Variants in CEP164 observed in about 807,000 individuals in gnomAD.
The protein encoded by CEP164 is centrosomal protein of 164 kDa.
CEP164 carries 162 observed loss-of-function variants against 182.7 expected under a neutral mutation model. The ratio of observed to expected loss-of-function variants is 0.89; its 90% CI spans 0.78 to 1.01. The LOEUF (loss-of-function observed/expected upper bound fraction) is 1.01, where lower values mean the gene tolerates loss of function less well. Ranked by LOEUF, CEP164 falls within the 50% of genes least tolerant of loss-of-function variation. CEP164 has a pLI of 0.00. For missense variants in CEP164, 1,735 were observed against 1,790.4 expected (o/e 0.97, Z 0.56); for synonymous variants, 661 against 690.0 (o/e 0.96, Z 0.66).
chr11:117,348,409 A>T (rs892941516), intron 4 of CEP164, among the ~76,000 whole-genome samples: 5 of 151,958 alleles, frequency 3.3e-5, no homozygotes, highest in Non-Finnish European at 5.9e-5. Context: ...ATCTTTTGTG[A>T]TTTACCTGTT....
At chr11:117,348,328 A>G (rs551143405) in intron 4 of CEP164, among the ~76,000 whole-genome samples, 2 of 152,334 alleles carry the variant, frequency 1.3e-5, no homozygotes, top group Admixed American at 6.5e-5. Context: ...ATCCAAGGGC[A>G]AAAAATAACA....
At chr11:117,403,796 A>G (rs939167128) in intron 27 of CEP164, among the ~76,000 whole-genome samples, 4 of 152,130 alleles carry the variant, frequency 2.6e-5, no homozygotes, top group African/African-American at 9.7e-5. Context: ...TACACCAATC[A>G]AACGTAGATT....
chr11:117,371,428 G>A lies in CEP164; in HGVS notation c.1114G>A (p.Ala372Thr), dbSNP rs2042180668. 2.5e-6 allele frequency: 4 copies of A among 1,613,686 alleles called. No individual in the cohort carries two copies. The highest frequency in any genetic ancestry group is 3.4e-6 in the Non-Finnish European group (4 of 1,179,864). The change falls in exon 9 of 33, where the codon GCT becomes ACT. Residue 372 changes from alanine to threonine, a missense_variant. Ala to Thr is a moderately conservative substitution (Grantham distance 58). Transcript: ENST00000278935. ...EEAAKEPKKK[A>T]SALEEGSSDA... Reference sequence around the variant, plus strand: ...GGCAGCCAAGGAGCCAAAGAAGAAGGCTTCTGCTCTGGAAGAGGGCAGTTC... The same window carrying A: ...GGCAGCCAAGGAGCCAAAGAAGAAGACTTCTGCTCTGGAAGAGGGCAGTTC...
chr11:117,408,017 C>G lies in CEP164; in HGVS notation c.3594C>G (p.Ser1198=). ...KKEEKLNQLE[S]SLWEEASDEG... is the part of the protein sequence containing the mutation. ...AGGAGAAGCTGAATCAGTTGGAGTC[C>G]TCTCTTTGGGAAGAGGTGCAGCCCC... is the stretch of plus-strand genomic sequence containing the variant. The change falls in exon 28 of 33, where the codon TCC becomes TCG. Residue 1198 remains serine, a synonymous_variant. Transcript: ENST00000278935. 1.3e-6 allele frequency: 2 copies of G among 1,591,276 alleles called. No individual in the cohort carries two copies. The highest frequency in any genetic ancestry group is 1.7e-6 in the Non-Finnish European group (2 of 1,168,406).
chr11:117,386,486 C>T (rs2136231101), intron 14 of CEP164: 1 of 152,276 alleles, frequency 6.6e-6, no homozygotes, highest in South Asian at 2.1e-4. Flanking sequence ...GCTCTGAATT[C>T]CTTTTATTCA....
rs969009951 is a variant in CEP164 at position 117,375,788 on chromosome 11, G to A, written c.1314G>A (p.Arg438=). 1.9e-6 allele frequency: 3 copies of A among 1,613,882 alleles called. No homozygotes were observed. Among genetic ancestry groups the A allele is most frequent in the African/African-American group, 2.7e-5 (2 of 74,882 alleles). The part of the protein sequence containing the change: ...VLSPVLGGAC[R]QAQQPLGIED... ...CCCCAGTCCTGGGTGGAGCTTGTCG[G>A]CAGGTGAGTTTCTGTGGGTGGTGGG... Residue 438 remains arginine, a synonymous_variant, in exon 11 of 33, where the codon CGG becomes CGA. Coordinates refer to ENST00000278935, the MANE Select transcript of CEP164 (RefSeq NM_014956.5).
At chr11:117,347,133 A>G (rs2039008012) in intron 4 of CEP164, among the ~76,000 whole-genome samples, 1 of 152,052 alleles carries the variant, frequency 6.6e-6, no homozygotes, top group African/African-American at 2.4e-5. Flanking sequence ...CCGTGTAGAG[A>G]TGTAGCACAA....
rs772114437 is a variant in CEP164 at position 117,392,643 on chromosome 11, T to C, written c.2493+16T>C. ...TGAGCACGAGGTGAGTGCTGCTCTG[T>C]CTTCCACAGTCGTGTGCGCCTGTTG... On this transcript the variant is annotated intron_variant, in intron 19 of 32. Transcript: ENST00000278935. 1.9e-6 allele frequency: 3 copies of C among 1,612,012 alleles called. No individual in the cohort carries two copies. In the Admixed American group the frequency reaches 5.0e-5, roughly 27 times the overall value.
At chr11:117,374,642 A>G (rs1395298866) in intron 10 of CEP164, among the ~76,000 whole-genome samples, 2 of 152,248 alleles carry the variant, frequency 1.3e-5, no homozygotes, top group Non-Finnish European at 1.5e-5. Flanking sequence ...AGAAAAACCC[A>G]CAAGCTAGAA....
In CEP164 at chr11:117,411,881, G is replaced by A. The variant is rs560527787; in HGVS notation, c.4250G>A (p.Arg1417Gln). 122 of 1,614,126 alleles carry A rather than the reference G, an allele frequency of 7.6e-5. No individual in the cohort carries two copies. Among genetic ancestry groups the A allele is most frequent in the East Asian group, 6.7e-4 (30 of 44,884 alleles). ...TTTCAGGGCATAATTGAGGCCAACC[G>A]GAGGTGGCTGGAACGTGTCAAGAAT... ...TTFQGIIEAN[R>Q]RWLERVKNDP... The change falls in exon 32 of 33, where the codon CGG becomes CAG. Residue 1417 changes from arginine to glutamine, a missense_variant. Coordinates refer to ENST00000278935, the MANE Select transcript of CEP164 (RefSeq NM_014956.5). The surrounding 1 kb of genome is among the most constrained non-coding windows in gnomAD (Gnocchi z 4.4).
rs769029159 is a variant in CEP164, at chr11:117,407,952, T to C, written c.3529T>C (p.Ser1177Pro). Reference sequence around the variant, plus strand: ...GACCAGGCACCTGGATGAGATGAAGTCGGCCATGCGGAAAGGCCACAACCT... The same window carrying C: ...GACCAGGCACCTGGATGAGATGAAGCCGGCCATGCGGAAAGGCCACAACCT... Reference protein sequence around the residue: ...KETRHLDEMKSAMRKGHNLLK... With the variant: ...KETRHLDEMKPAMRKGHNLLK... The change falls in exon 28 of 33, where the codon TCG (serine) becomes CCG (proline). Residue 1177 changes from serine to proline, a missense_variant. Physicochemically the swap from Ser to Pro is moderately conservative, Grantham distance 74. Coordinates refer to ENST00000278935, the MANE Select transcript of CEP164 (RefSeq NM_014956.5). The C allele has an allele frequency of 5.0e-6, 8 of 1,599,472 alleles. No individual in the cohort carries two copies. The South Asian group carries it at 9.1e-5, about 18-fold the overall frequency.
chr11:117,336,326 C>T, intron 2 of CEP164: 1 of 1,487,264 alleles, frequency 6.7e-7, no homozygotes, highest in South Asian at 1.1e-5. Flanking sequence ...TCCGCTGTCA[C>T]TGCTGGTCTG....
chr11:117,375,949 G>C (rs1442612466), intron 11 of CEP164, among the ~76,000 whole-genome samples, 158 bp downstream of exon 11: 1 of 152,156 alleles, frequency 6.6e-6, no homozygotes, highest in Non-Finnish European at 1.5e-5. Flanking sequence ...CTTTCACGGG[G>C]CTTCTGACCA....
chr11:117,333,830 C>T (rs533525689), intron 1 of CEP164, among the ~76,000 whole-genome samples: 1 of 152,268 alleles, frequency 6.6e-6, no homozygotes, highest in African/African-American at 2.4e-5. Context: ...GCCACTGTGC[C>T]CAGCCCTAGT....
intron 12 of CEP164, among the ~76,000 whole-genome samples, chr11:117,380,982 T>C (rs961148496): frequency 2.0e-5 from 3 of 152,190 alleles, no homozygotes; most frequent in Admixed American, 6.5e-5. Context: ...CTGGGTACAA[T>C]TGGCAGGACT....
Position 117,395,115 on chromosome 11 carries a change from C to T in CEP164, c.2845-8C>T. 1.2e-6 allele frequency: 2 copies of T among 1,614,170 alleles called. No individual in the cohort carries two copies. Among genetic ancestry groups the T allele is most frequent in the Non-Finnish European group, 1.7e-6 (2 of 1,180,032 alleles). On this transcript the variant is annotated splice_region_variant and splice_polypyrimidine_tract_variant and intron_variant, in intron 22 of 32. Coordinates refer to ENST00000278935, the MANE Select transcript of CEP164 (RefSeq NM_014956.5). ...GTCAGCCAGAAAATCCTGTCTCTTCCCTGCAAGGAGGAGACCGCCCGGAGG... is the reference window on the plus strand; with the variant it reads ...GTCAGCCAGAAAATCCTGTCTCTTCTCTGCAAGGAGGAGACCGCCCGGAGG...
At chr11:117,329,507 C>T (rs1434667638) in intron 1 of CEP164, among the ~76,000 whole-genome samples, 2 of 152,018 alleles carry the variant, frequency 1.3e-5, no homozygotes, top group Admixed American at 6.6e-5. Flanking sequence ...TCTGCTCTAC[C>T]GTTTATTAGC....
At chr11:117,391,420 C>T (rs1202754007) in intron 17 of CEP164, among the ~76,000 whole-genome samples, 1 of 152,078 alleles carries the variant, frequency 6.6e-6, no homozygotes, top group African/African-American at 2.4e-5. Flanking sequence ...CGAATCGGCT[C>T]ATGACAGGGC....
At chr11:117,379,216 G>T (rs1208174255) in intron 11 of CEP164, among the ~76,000 whole-genome samples, 2 of 152,210 alleles carry the variant, frequency 1.3e-5, no homozygotes, top group Non-Finnish European at 2.9e-5. Flanking sequence ...GCACCGGGAG[G>T]TACTCACAGG....
Sources: gnomAD v4.1 joint callset for allele counts (sites outside exome capture counted in the v4.1 genomes callset) on GRCh38, gnomAD v4.1.1 for gene constraint, Gnocchi (gnomAD v3.1) non-coding constraint, MANE v1.5 for transcripts, NCBI Gene and HGNC (gene_info 2026-07-23, HGNC 2026-07-21) for gene names.